KCTD16: variants seen among roughly 807,000 people sequenced by gnomAD.
KCTD16 encodes the protein potassium channel tetramerization domain containing 16.
Under a neutral mutation model 33.2 loss-of-function variants are expected in KCTD16, and 13 were observed. The ratio of observed to expected loss-of-function variants is 0.39; its 90% CI spans 0.25 to 0.62. KCTD16 has a LOEUF of 0.62. KCTD16 is among the 20% of genes least tolerant of loss of function. The pLI is 0.50. For synonymous variants in KCTD16, 197 were observed against 195.3 expected (o/e 1.01, Z -0.07); for missense variants, 441 against 525.1 (o/e 0.84, Z 1.57).
chr5:144,283,932 C>G (rs1755672898), intron 3 of KCTD16, among the ~76,000 whole-genome samples: 1 of 152,182 alleles, frequency 6.6e-6, no homozygotes, highest in South Asian at 2.1e-4. Flanking sequence ...ACTATATTTA[C>G]AAACCCAAGA....
At chr5:144,282,355 G>A (rs981994090) in intron 3 of KCTD16, among the ~76,000 whole-genome samples, 9 of 150,172 alleles carry the variant, frequency 6.0e-5, no homozygotes, top group Admixed American at 5.2e-4. Flanking sequence ...CACATGCCAT[G>A]CCTTATCCAT....
At chr5:144,460,009 T>C (rs1754158497) in intron 3 of KCTD16, among the ~76,000 whole-genome samples, 1 of 151,804 alleles carries the variant, frequency 6.6e-6, no homozygotes. Flanking sequence ...ATTTTTTGTA[T>C]TTTTAGTAGA....
Position 144,299,119 on chromosome 5 carries a change from TA to T in KCTD16, c.832+91574del, listed in dbSNP as rs1561558521. ...ATGTATATATATATATATATATATATATATATATATATATATATATATATAT... is the reference window on the plus strand; with the variant it reads ...ATGTATATATATATATATATATATATTATATATATATATATATATATATAT... On this transcript the variant is annotated intron_variant, in intron 3 of 3. Coordinates refer to ENST00000512467, the MANE Select transcript of KCTD16 (RefSeq NM_020768.4). Among the ~76,000 whole-genome samples the T allele has an allele frequency of 2.6e-3, 52 of 19,732 alleles. 5 individuals are homozygous for T. Among genetic ancestry groups the T allele is most frequent in the African/African-American group, 0.022 (51 of 2,270 alleles). 12.9% of individuals were successfully genotyped at this position (19,732 alleles called of 152,430 possible).
rs1373186770 is a variant in KCTD16, at chr5:144,469,020, A to G, written c.833-4640A>G. 5.3e-5 allele frequency among the ~76,000 whole-genome samples: 8 copies of G among 152,244 alleles called. No homozygotes were observed. The East Asian group carries it at 1.5e-3, about 29-fold the overall frequency. On this transcript the variant is annotated intron_variant, in intron 3 of 3. Transcript: ENST00000512467. The stretch of plus-strand genomic sequence containing the variant: ...GAAGGGGGCCAAGTCTAATCATACA[A>G]TTTGCTTGATTAGTCCTCAGTTTTT...
chr5:144,245,289 G>T (rs1754518443), intron 3 of KCTD16, among the ~76,000 whole-genome samples: 1 of 152,140 alleles, frequency 6.6e-6, no homozygotes, highest in Non-Finnish European at 1.5e-5. Context: ...CTTTGAAAGA[G>T]AAGACTATTT....
intron 3 of KCTD16, among the ~76,000 whole-genome samples, chr5:144,339,575 C>T (rs576165040): frequency 1.3e-5 from 2 of 152,282 alleles, no homozygotes; most frequent in South Asian, 4.1e-4. Context: ...CTCCATAATG[C>T]CTGACATGTT....
At chr5:144,331,665 C>T (rs1752361960) in intron 3 of KCTD16, among the ~76,000 whole-genome samples, 1 of 152,144 alleles carries the variant, frequency 6.6e-6, no homozygotes, top group African/African-American at 2.4e-5. Flanking sequence ...GTTACTGTCA[C>T]TCACCAATGG....
chr5:144,205,196 C>G (rs1014264552), intron 2 of KCTD16: 2 of 228,320 alleles, frequency 8.8e-6, no homozygotes, highest in African/African-American at 4.5e-5. Context: ...CACTGCGTCC[C>G]CGCCCCAAGC....
At chr5:144,237,185 C>G (rs529339030) in intron 3 of KCTD16, among the ~76,000 whole-genome samples, 21 of 152,174 alleles carry the variant, frequency 1.4e-4, no homozygotes, top group African/African-American at 5.1e-4. Flanking sequence ...TTGCCAGTTA[C>G]ATGCCTCTAT....
rs368957124 is a variant in KCTD16, at chr5:144,479,365, C to CAAAAAAAAAAAAAAAAAAAAAGA, written c.*5267_*5268insAAAAAGAAAAAAAAAAAAAAAAA. 1.1e-5 allele frequency: 1 copy of CAAAAAAAAAAAAAAAAAAAAAGA among 92,488 alleles called. No homozygotes were observed. The highest frequency in any genetic ancestry group is 5.0e-5 in the African/African-American group (1 of 20,132). 5.7% of individuals were successfully genotyped at this position (92,488 alleles called of 1,614,324 possible). A position where few individuals can be genotyped will look rare whatever the true frequency, so the allele number is the denominator to read the frequency against. On this transcript the variant is annotated 3_prime_UTR_variant, in exon 4 of 4. Coordinates refer to ENST00000512467, the MANE Select transcript of KCTD16 (RefSeq NM_020768.4). ...CCAAACTGATGTGTAAGAATAAATG[C>CAAAAAAAAAAAAAAAAAAAAAGA]AAAAAAAAAAAAAAAAGAAAAAGAA...
At chr5:144,325,679 A>G (rs558287111) in intron 3 of KCTD16, among the ~76,000 whole-genome samples, 2 of 152,252 alleles carry the variant, frequency 1.3e-5, no homozygotes, top group South Asian at 4.1e-4. Flanking sequence ...CTCTGAAAGC[A>G]TTCATTGGCA....
At chr5:144,257,550 G>A (rs1253268815) in intron 3 of KCTD16, among the ~76,000 whole-genome samples, 1 of 151,914 alleles carries the variant, frequency 6.6e-6, no homozygotes, top group South Asian at 2.1e-4. Context: ...GTGCAGTGAC[G>A]TGATCTCGGC....
Position 144,483,105 on chromosome 5 carries a change from T to C in KCTD16, c.*8991T>C, listed in dbSNP as rs1427621367. ...CTCTTATCCAAACCATTTGTTGGAA[T>C]TTCAAACTACATGTTTTCACACTTC... On this transcript the variant is annotated 3_prime_UTR_variant, in exon 4 of 4. Transcript: ENST00000512467. 1 of 150,442 alleles carries C rather than the reference T, an allele frequency of 6.6e-6. No homozygotes were observed. Among genetic ancestry groups the C allele is most frequent in the African/African-American group, 2.4e-5 (1 of 41,062 alleles). 9.3% of individuals were successfully genotyped at this position (150,442 alleles called of 1,614,324 possible). A position where few individuals can be genotyped will look rare whatever the true frequency, so the allele number is the denominator to read the frequency against.
intron 3 of KCTD16, among the ~76,000 whole-genome samples, chr5:144,263,402 A>C (rs1380659889): frequency 2.0e-5 from 3 of 152,052 alleles, no homozygotes; most frequent in Non-Finnish European, 4.4e-5. Flanking sequence ...ATTACCTTTA[A>C]CTCCTCAAAC....
At position 144,199,199 on chromosome 5, in the gene KCTD16, A is replaced by G. The variant is rs531052696; in HGVS notation, c.-326-7190A>G. ...TTCATTCCACTTGTATCTGTTGCAT[A>G]TTATGGAATGACAACAAAGACGCCT... On this transcript the variant is annotated intron_variant, in intron 2 of 3. Coordinates refer to ENST00000512467, the MANE Select transcript of KCTD16 (RefSeq NM_020768.4). 2.2e-4 allele frequency among the ~76,000 whole-genome samples: 34 copies of G among 152,312 alleles called. 1 individual carries two copies. The highest frequency in any genetic ancestry group is 7.9e-4 in the African/African-American group (33 of 41,570).
chr5:144,395,473 A>T (rs1752548010), intron 3 of KCTD16, among the ~76,000 whole-genome samples: 1 of 152,078 alleles, frequency 6.6e-6, no homozygotes, highest in South Asian at 2.1e-4. Flanking sequence ...GTTCTTATGG[A>T]TATATTAAGG....
intron 3 of KCTD16, among the ~76,000 whole-genome samples, chr5:144,390,422 G>A (rs191203509): frequency 6.6e-6 from 1 of 152,212 alleles, no homozygotes; most frequent in African/African-American, 2.4e-5. Flanking sequence ...AAGGTTGTGG[G>A]GTTGGGGAGC....
intron 3 of KCTD16, among the ~76,000 whole-genome samples, chr5:144,248,645 G>T (rs192027378): frequency 7.2e-4 from 110 of 152,306 alleles, no homozygotes; most frequent in African/African-American, 2.5e-3. Context: ...AACCATTTAG[G>T]CAGGGAATGA....
intron 3 of KCTD16, among the ~76,000 whole-genome samples, chr5:144,394,945 A>T (rs551890342): frequency 6.6e-6 from 1 of 152,344 alleles, no homozygotes; most frequent in African/African-American, 2.4e-5. Flanking sequence ...ATTCTTGATG[A>T]GATGACAAGT....
Sources: gnomAD v4.1 joint callset for allele counts (sites outside exome capture counted in the v4.1 genomes callset) on GRCh38, gnomAD v4.1.1 for gene constraint, MANE v1.5 for transcripts, NCBI Gene and HGNC (gene_info 2026-07-23, HGNC 2026-07-21) for gene names.